Variants in SLC17A6 observed in about 807,000 individuals in gnomAD.
SLC17A6 encodes the protein solute carrier family 17 member 6.
A neutral mutation model predicts 67.1 loss-of-function variants in SLC17A6; 35 were observed. The ratio of observed to expected loss-of-function variants is 0.52; its 90% CI spans 0.40 to 0.69. The LOEUF is 0.69. Ranked by LOEUF, SLC17A6 falls within the 30% of genes least tolerant of loss-of-function variation. SLC17A6 has a pLI of 0.00. For missense variants in SLC17A6, 588 were observed against 723.9 expected (o/e 0.81, Z 2.15); for synonymous variants, 285 against 252.3 (o/e 1.13, Z -1.23).
At chr11:22,376,755 T>C in intron 11 of SLC17A6, 83 bp downstream of exon 11, 14 of 1,451,040 alleles carry the variant, frequency 9.6e-6, no homozygotes, top group Non-Finnish European at 1.2e-5. Context: ...TAAAATATTA[T>C]CCTTAGCATT....
intron 3 of SLC17A6, among the ~76,000 whole-genome samples, chr11:22,344,962 T>C (rs772186343): frequency 6.6e-6 from 1 of 152,096 alleles, no homozygotes; most frequent in South Asian, 2.1e-4. Context: ...ATGCATGGAA[T>C]GTTTTCACTG....
chr11:22,345,267 G>A (rs1294662416), intron 3 of SLC17A6, among the ~76,000 whole-genome samples: 1 of 150,634 alleles, frequency 6.6e-6, no homozygotes, highest in Non-Finnish European at 1.5e-5. Context: ...AATGAAAAGA[G>A]TGATGCTGAC....
intron 2 of SLC17A6, 44 bp downstream of exon 2, chr11:22,341,824 C>A (rs771763828): frequency 2.5e-6 from 4 of 1,600,096 alleles, no homozygotes; most frequent in Middle Eastern, 1.7e-4. Context: ...TTCGGCCATG[C>A]GGCCTCGCAA....
intron 7 of SLC17A6, among the ~76,000 whole-genome samples, chr11:22,367,281 TAA>T (rs748609871): frequency 1.3e-4 from 19 of 143,036 alleles, no homozygotes; most frequent in Admixed American, 2.1e-4. Context: ...CATCATAGGT[TAA>T]AAAAAAAAAA....
Position 22,370,193 on chromosome 11 carries a change from G to A in SLC17A6, c.1041+5G>A, listed in dbSNP as rs774289866. The A allele has an allele frequency of 3.1e-6, 5 of 1,595,966 alleles. No individual in the cohort carries two copies. The highest frequency in any genetic ancestry group is 4.3e-6 in the Non-Finnish European group (5 of 1,173,442). On this transcript the variant is annotated splice_donor_5th_base_variant and intron_variant, in intron 8 of 11. Coordinates refer to ENST00000263160, the MANE Select transcript of SLC17A6 (RefSeq NM_020346.3). ...TTTGGATTTGAAATTAGCAAGGTAT[G>A]TAAAATGTATTCTTATATAAATTGT... is the stretch of plus-strand genomic sequence containing the variant.
At chr11:22,369,411 T>G (rs1014532155) in intron 7 of SLC17A6, among the ~76,000 whole-genome samples, 1 of 151,988 alleles carries the variant, frequency 6.6e-6, no homozygotes, top group African/African-American at 2.4e-5. Context: ...GACAAATGCT[T>G]TCACCCAGCT....
chr11:22,344,554 A>T (rs757812997), intron 3 of SLC17A6, among the ~76,000 whole-genome samples: 1 of 152,208 alleles, frequency 6.6e-6, no homozygotes, highest in Non-Finnish European at 1.5e-5. Context: ...AAATGTCAAG[A>T]GGAGAGTGCC....
At chr11:22,347,503 C>T (rs1184146614) in intron 3 of SLC17A6, among the ~76,000 whole-genome samples, 3 of 53,478 alleles carry the variant, frequency 5.6e-5, no homozygotes, top group East Asian at 5.9e-4. Flanking sequence ...TCTTAACTTT[C>T]GGGAAAAAAA....
chr11:22,352,422 G>T lies in SLC17A6; in HGVS notation c.459-6991G>T, dbSNP rs1213090319. Among the ~76,000 whole-genome samples, 4 of 152,280 alleles carry T rather than the reference G, an allele frequency of 2.6e-5. No individual in the cohort carries two copies. In the East Asian group the frequency reaches 7.7e-4, roughly 29 times the overall value. On this transcript the variant is annotated intron_variant, in intron 3 of 11. Coordinates refer to ENST00000263160, the MANE Select transcript of SLC17A6 (RefSeq NM_020346.3). ...TCTGTCCCTATTAAAAGCTAGAGAA[G>T]AAATAAATGATAAACTGCTTGAAAT... is the stretch of plus-strand genomic sequence containing the variant.
Position 22,377,574 on chromosome 11 carries a change from CA to C in SLC17A6, c.1584del (p.Asp530ThrfsTer7), listed in dbSNP as rs1856245376. The C allele has an allele frequency of 6.2e-7, 1 of 1,613,920 alleles. No individual in the cohort carries two copies. Among genetic ancestry groups the C allele is most frequent in the Non-Finnish European group, 8.5e-7 (1 of 1,179,996 alleles). ...FIHEDELDEETGDITQNYINY... is the reference protein window; with the variant it reads ...FIHEDELDEEXGDITQNYINY... Reference sequence around the variant, plus strand: ...CATGAAGATGAACTCGATGAAGAAACAGGGGACATTACTCAAAATTATATAA... The same window carrying C: ...CATGAAGATGAACTCGATGAAGAAACGGGGACATTACTCAAAATTATATAA... On this transcript the variant is annotated frameshift_variant, in exon 12 of 12. Transcript: ENST00000263160. LOFTEE classifies it high-confidence loss of function.
In SLC17A6 at chr11:22,379,191, A is replaced by G. The variant is rs1856269263; in HGVS notation, c.*1451A>G. Reference sequence around the variant, plus strand: ...TCAGACCCCTTTATAATGTCCTAAAATTATGATAATACATTTCCCAATTCA... The same window carrying G: ...TCAGACCCCTTTATAATGTCCTAAAGTTATGATAATACATTTCCCAATTCA... On this transcript the variant is annotated 3_prime_UTR_variant, in exon 12 of 12. Transcript: ENST00000263160. 1 of 152,480 alleles carries G rather than the reference A, an allele frequency of 6.6e-6. No individual in the cohort carries two copies. Among genetic ancestry groups the G allele is most frequent in the African/African-American group, 2.4e-5 (1 of 41,440 alleles). 9.4% of individuals were successfully genotyped at this position (152,480 alleles called of 1,614,324 possible). A position where few individuals can be genotyped will look rare whatever the true frequency, so the allele number is the denominator to read the frequency against.
chr11:22,348,097 C>G (rs181745827), intron 3 of SLC17A6, among the ~76,000 whole-genome samples: 3 of 152,192 alleles, frequency 2.0e-5, no homozygotes, highest in East Asian at 1.9e-4. Context: ...AAATAGAGAA[C>G]TGAGGGAGTA....
chr11:22,367,441 T>C (rs150246524), intron 7 of SLC17A6, among the ~76,000 whole-genome samples: 15 of 152,324 alleles, frequency 9.8e-5, no homozygotes, highest in African/African-American at 3.6e-4. Context: ...CATTAGAACT[T>C]TCCTCTTTGT....
chr11:22,373,254 G>A (rs1027308818), intron 8 of SLC17A6, among the ~76,000 whole-genome samples: 6 of 152,108 alleles, frequency 3.9e-5, no homozygotes, highest in African/African-American at 1.4e-4. Flanking sequence ...AGGCAATGTG[G>A]TTACTCCCAA....
intron 3 of SLC17A6, among the ~76,000 whole-genome samples, chr11:22,356,951 A>T (rs755876405): frequency 6.6e-5 from 10 of 152,226 alleles, no homozygotes; most frequent in Admixed American, 2.0e-4. Context: ...TTGGCATTTT[A>T]TTTCAGAAAT....
chr11:22,374,310 CATGAT>C (rs1856206916), intron 8 of SLC17A6, among the ~76,000 whole-genome samples: 1 of 152,116 alleles, frequency 6.6e-6, no homozygotes. Context: ...CTATAAAACT[CATGAT>C]ATATATATTT....
chr11:22,358,217 T>C (rs1255718456), intron 3 of SLC17A6, among the ~76,000 whole-genome samples: 2 of 152,222 alleles, frequency 1.3e-5, no homozygotes, highest in African/African-American at 4.8e-5. Context: ...ATTAGCTCAT[T>C]GGAGTTAGCA....
intron 8 of SLC17A6, among the ~76,000 whole-genome samples, chr11:22,373,670 C>A (rs1406512572): frequency 6.6e-6 from 1 of 152,146 alleles, no homozygotes; most frequent in African/African-American, 2.4e-5. Context: ...AAACTTGGCT[C>A]TCACAATCAC....
At chr11:22,358,365 G>A (rs1011542107) in intron 3 of SLC17A6, among the ~76,000 whole-genome samples, 1 of 152,180 alleles carries the variant, frequency 6.6e-6, no homozygotes, top group African/African-American at 2.4e-5. Flanking sequence ...ATCTCACACT[G>A]TTGCCCGCCC....
Sources: gnomAD v4.1 joint callset for allele counts (sites outside exome capture counted in the v4.1 genomes callset) on GRCh38, gnomAD v4.1.1 for gene constraint, MANE v1.5 for transcripts, NCBI Gene and HGNC (gene_info 2026-07-23, HGNC 2026-07-21) for gene names.